PAQR5: variants seen among roughly 807,000 people sequenced by gnomAD.
The protein encoded by PAQR5 is progestin and adipoQ receptor family member 5, also known as membrane progestin receptor gamma.
Under a neutral mutation model 34.5 loss-of-function variants are expected in PAQR5, and 20 were observed. The observed-to-expected ratio is 0.58, with a 90% confidence interval of 0.41 to 0.84. The LOEUF is 0.84. Ranked by LOEUF, PAQR5 falls within the 40% of genes least tolerant of loss-of-function variation. The pLI is 0.00. For missense variants in PAQR5, 378 were observed against 412.7 expected, an observed-to-expected ratio of 0.92 and a Z score of 0.73; for synonymous variants, 131 against 155.6, an observed-to-expected ratio of 0.84 and a Z score of 1.18.
intron 3 of PAQR5, chr15:69,379,438 A>G: frequency 2.0e-6 from 2 of 985,400 alleles, no homozygotes; most frequent in Non-Finnish European, 1.2e-6. Context: ...ATATCCTGGC[A>G]CCGGGGGCAT....
At chr15:69,317,746 G>T (rs1242192926) in intron 1 of PAQR5, among the ~76,000 whole-genome samples, 6 of 152,134 alleles carry the variant, frequency 3.9e-5, no homozygotes, top group Non-Finnish European at 7.4e-5. Context: ...CACCCGGGGT[G>T]CTATGTCTTG....
At chr15:69,371,101 C>A (rs901275807) in intron 3 of PAQR5, among the ~76,000 whole-genome samples, 5 of 151,936 alleles carry the variant, frequency 3.3e-5, no homozygotes, top group Non-Finnish European at 5.9e-5. Flanking sequence ...GGTCTATTGA[C>A]AATGATGTTA....
chr15:69,302,770 C>T (rs1595823183), intron 1 of PAQR5, among the ~76,000 whole-genome samples: 1 of 152,176 alleles, frequency 6.6e-6, no homozygotes, highest in Non-Finnish European at 1.5e-5. Flanking sequence ...AGCCCGTGAA[C>T]AAACCCACCA....
chr15:69,357,035 C>T (rs1015080225), intron 2 of PAQR5, among the ~76,000 whole-genome samples: 5 of 151,944 alleles, frequency 3.3e-5, no homozygotes, highest in Admixed American at 6.6e-5. Flanking sequence ...TTTAAAAGTG[C>T]GTGGCATCTC....
At chr15:69,374,044 G>A (rs1224901519) in intron 3 of PAQR5, among the ~76,000 whole-genome samples, 1 of 149,716 alleles carries the variant, frequency 6.7e-6, no homozygotes, top group Non-Finnish European at 1.5e-5. Context: ...TCAGCCAGAA[G>A]AGACTTCTTC....
intron 1 of PAQR5, among the ~76,000 whole-genome samples, chr15:69,332,898 T>A (rs67409225): frequency 2.6e-5 from 4 of 151,428 alleles, no homozygotes; most frequent in African/African-American, 9.7e-5. Flanking sequence ...GGAAGTTAAC[T>A]GTGGTAGAAT....
rs748802891 is a variant in PAQR5 at position 69,400,152 on chromosome 15, C to T, written c.751+37C>T. The stretch of plus-strand genomic sequence containing the variant: ...ACAGCCCTGCTGCTCTGCTCATTGC[C>T]CTCCTGACTGGGGAGGGTCCTGTCC... On this transcript the variant is annotated intron_variant, in intron 8 of 8. Coordinates refer to ENST00000395407, the MANE Select transcript of PAQR5 (RefSeq NM_017705.4). 7 of 1,589,862 alleles carry T rather than the reference C, an allele frequency of 4.4e-6. No homozygotes were observed. In the East Asian group the frequency reaches 1.1e-4, roughly 25 times the overall value.
chr15:69,387,672 G>A (rs1048725658), intron 5 of PAQR5, among the ~76,000 whole-genome samples: 2 of 152,184 alleles, frequency 1.3e-5, no homozygotes, highest in African/African-American at 4.8e-5. Context: ...GCATGGCAGA[G>A]CCAGAGTGAG....
intron 3 of PAQR5, among the ~76,000 whole-genome samples, chr15:69,361,769 C>T (rs2055238985): frequency 6.6e-6 from 1 of 152,126 alleles, no homozygotes; most frequent in African/African-American, 2.4e-5. Context: ...ATAGGGATTA[C>T]AATTTCAGAT....
chr15:69,364,660 T>C (rs1188748726), intron 3 of PAQR5, among the ~76,000 whole-genome samples: 2 of 151,678 alleles, frequency 1.3e-5, no homozygotes, highest in African/African-American at 4.8e-5. Context: ...TGTGTGTGTG[T>C]GTATAAGTAA....
At chr15:69,304,233 GCTT>G (rs1166100466) in intron 1 of PAQR5, among the ~76,000 whole-genome samples, 1 of 152,210 alleles carries the variant, frequency 6.6e-6, no homozygotes, top group Non-Finnish European at 1.5e-5. Flanking sequence ...CTAAGACAGA[GCTT>G]CATGCACTAC....
intron 2 of PAQR5, among the ~76,000 whole-genome samples, chr15:69,357,946 A>G (rs1469868956): frequency 2.0e-5 from 3 of 152,150 alleles, no homozygotes; most frequent in African/African-American, 7.2e-5. Context: ...GAAGGGGCAG[A>G]CGAGGCCTAG....
Position 69,360,081 on chromosome 15 carries a change from ATGC to A in PAQR5, c.4_6del (p.Leu2?). Reference sequence around the variant, plus strand: ...CTGGCCTTGCCAATCCAGCTCCAAGATGCTGAGCCTGAAGCTCCCCAGGCTGTT... The same window carrying A: ...CTGGCCTTGCCAATCCAGCTCCAAGATGAGCCTGAAGCTCCCCAGGCTGTT... On this transcript the variant is annotated start_lost and inframe_deletion, in exon 3 of 9. Coordinates refer to ENST00000395407, the MANE Select transcript of PAQR5 (RefSeq NM_017705.4). 6.2e-7 allele frequency: 1 copy of A among 1,613,594 alleles called. No homozygotes were observed. The highest frequency in any genetic ancestry group is 8.5e-7 in the Non-Finnish European group (1 of 1,179,548).
chr15:69,362,274 T>G (rs1310494309), intron 3 of PAQR5, among the ~76,000 whole-genome samples: 5 of 152,156 alleles, frequency 3.3e-5, no homozygotes, highest in African/African-American at 4.8e-5. Context: ...AAGACCAACA[T>G]CACACTTTGC....
intron 3 of PAQR5, among the ~76,000 whole-genome samples, chr15:69,362,372 G>A (rs1321997969): frequency 6.6e-6 from 1 of 152,234 alleles, no homozygotes; most frequent in Non-Finnish European, 1.5e-5. Flanking sequence ...TGAAGCCATA[G>A]AGAAAATATA....
chr15:69,308,229 G>A (rs2053759844), intron 1 of PAQR5, among the ~76,000 whole-genome samples: 1 of 152,220 alleles, frequency 6.6e-6, no homozygotes, highest in African/African-American at 2.4e-5. Flanking sequence ...GAGGCTGCAT[G>A]CTTGGTTTGG....
chr15:69,390,759 G>A (rs899377433), intron 6 of PAQR5, among the ~76,000 whole-genome samples: 1 of 152,014 alleles, frequency 6.6e-6, no homozygotes, highest in Non-Finnish European at 1.5e-5. Flanking sequence ...ATGGATGATG[G>A]TGTTATTCAA....
chr15:69,348,616 AGG>A (rs1368503783), intron 2 of PAQR5, among the ~76,000 whole-genome samples: 2 of 152,174 alleles, frequency 1.3e-5, no homozygotes, highest in African/African-American at 4.8e-5. Context: ...TCAACTTGGC[AGG>A]GGACATGTTC....
At chr15:69,303,848 G>A (rs1296841708) in intron 1 of PAQR5, among the ~76,000 whole-genome samples, 1 of 152,188 alleles carries the variant, frequency 6.6e-6, no homozygotes, top group Non-Finnish European at 1.5e-5. Flanking sequence ...TCTTGTGCAG[G>A]CCTCTACATT....
Sources: gnomAD v4.1 joint callset for allele counts (sites outside exome capture counted in the v4.1 genomes callset) on GRCh38, gnomAD v4.1.1 for gene constraint, MANE v1.5 for transcripts, NCBI Gene and HGNC (gene_info 2026-07-23, HGNC 2026-07-21) for gene names.